GDPD4: variants seen among roughly 807,000 people sequenced by gnomAD.
The protein encoded by GDPD4 is glycerophosphodiester phosphodiesterase 6.
A neutral mutation model predicts 67.8 loss-of-function variants in GDPD4; 60 were observed. The ratio of observed to expected loss-of-function variants is 0.88; its 90% CI spans 0.72 to 1.10. The LOEUF (loss-of-function observed/expected upper bound fraction) is 1.10. Ranked by LOEUF, GDPD4 falls within the 50% of genes least tolerant of loss-of-function variation. The pLI is 0.00. For synonymous variants in GDPD4, 212 were observed against 210.9 expected, an observed-to-expected ratio of 1.00 and a Z score of -0.04; for missense variants, 623 against 613.9, an observed-to-expected ratio of 1.01 and a Z score of -0.16.
rs556525796 is a variant in GDPD4 at position 77,217,093 on chromosome 11, G to T, written c.*184C>A. On this transcript the variant is annotated 3_prime_UTR_variant, in exon 17 of 17. Coordinates refer to ENST00000315938, the MANE Select transcript of GDPD4 (RefSeq NM_182833.3). ...GCATCGGTGGTTGAATCTCATGCTT[G>T]CCAGGCTTCAAAGGTGTGACAGCAT... 1.1e-5 allele frequency: 8 copies of T among 708,384 alleles called. No individual in the cohort carries two copies. Among genetic ancestry groups the T allele is most frequent in the Admixed American group, 6.0e-5 (3 of 50,080 alleles). 43.9% of individuals were successfully genotyped at this position (708,384 alleles called of 1,614,324 possible).
At chr11:77,285,258 T>C (rs1382551290) in intron 2 of GDPD4, 71 bp from the exon 3 acceptor site, 3 of 746,154 alleles carry the variant, frequency 4.0e-6, no homozygotes, top group Non-Finnish European at 6.8e-6. Context: ...CTGTATACAC[T>C]TGCCAAAGGT....
At chr11:77,261,666 G>A (rs369217674) in intron 10 of GDPD4, among the ~76,000 whole-genome samples, 9 of 152,260 alleles carry the variant, frequency 5.9e-5, no homozygotes, top group South Asian at 4.1e-4. Flanking sequence ...CTCCTGAAAC[G>A]AGACACAGCT....
At chr11:77,260,389 A>G (rs1959094236) in intron 10 of GDPD4, among the ~76,000 whole-genome samples, 1 of 152,196 alleles carries the variant, frequency 6.6e-6, no homozygotes, top group Non-Finnish European at 1.5e-5. Flanking sequence ...TCTAAAAAAG[A>G]GCTTAAAAAC....
chr11:77,279,714 T>C (rs1003777374), intron 3 of GDPD4, among the ~76,000 whole-genome samples: 1 of 152,046 alleles, frequency 6.6e-6, no homozygotes, highest in Non-Finnish European at 1.5e-5. Context: ...AGAGAAACAA[T>C]ACATCCCATA....
At chr11:77,289,076 G>C (rs1937671123) in intron 1 of GDPD4, among the ~76,000 whole-genome samples, 1 of 150,906 alleles carries the variant, frequency 6.6e-6, no homozygotes, top group African/African-American at 2.4e-5. Context: ...AAAAGTGGAA[G>C]GAAGGAAGCC....
intron 11 of GDPD4, among the ~76,000 whole-genome samples, chr11:77,248,051 C>CAAAAAAAAAAAAAAAAAAAA (rs34252021): frequency 3.2e-5 from 2 of 62,706 alleles, no homozygotes; most frequent in African/African-American, 8.1e-5. Context: ...AACTCCGTCT[C>CAAAAAAAAAAAAAAAAAAAA]AAAAAAAAAA....
chr11:77,283,117 G>A (rs1437586345), intron 3 of GDPD4, among the ~76,000 whole-genome samples: 2 of 152,192 alleles, frequency 1.3e-5, no homozygotes, highest in Non-Finnish European at 2.9e-5. Context: ...TCACAAATGG[G>A]GGATGGCTGC....
In GDPD4 at chr11:77,217,151, G is replaced by C. The variant is rs61900040; in HGVS notation, c.*126C>G. 9.0e-6 allele frequency: 7 copies of C among 781,604 alleles called. 2 individuals are homozygous for C. The Admixed American group carries it at 1.3e-4, about 14-fold the overall frequency. The allele number at this position is 781,604 out of a possible 1,614,324, so 48.4% of individuals were successfully genotyped here. A position where few individuals can be genotyped will look rare whatever the true frequency, so the allele number is the denominator to read the frequency against. ...AGGTAGTAGTTTCTTGGATGGTGCT[G>C]CAAAATTGAAATGGCCTTGGTGTTC... is the stretch of plus-strand genomic sequence containing the variant. On this transcript the variant is annotated 3_prime_UTR_variant, in exon 17 of 17. Coordinates refer to ENST00000315938, the MANE Select transcript of GDPD4 (RefSeq NM_182833.3).
intron 13 of GDPD4, 59 bp from the exon 14 acceptor site, chr11:77,233,231 A>T: frequency 2.0e-6 from 3 of 1,535,042 alleles, no homozygotes; most frequent in Non-Finnish European, 2.7e-6. Context: ...CATCATCTAA[A>T]AGGAGAACAG....
chr11:77,247,008 T>C (rs1455375773), intron 11 of GDPD4, among the ~76,000 whole-genome samples: 2 of 152,252 alleles, frequency 1.3e-5, no homozygotes, highest in African/African-American at 4.8e-5. Flanking sequence ...TCTTTTTCTC[T>C]ACACAACTTT....
intron 8 of GDPD4, 50 bp downstream of exon 8, chr11:77,269,833 G>T: frequency 1.0e-6 from 1 of 992,100 alleles, no homozygotes; most frequent in Non-Finnish European, 1.6e-6. Context: ...ACATTTTCAA[G>T]TTACCACCTT....
At chr11:77,267,895 T>C (rs892197793) in intron 10 of GDPD4, among the ~76,000 whole-genome samples, 1 of 152,024 alleles carries the variant, frequency 6.6e-6, no homozygotes, top group Non-Finnish European at 1.5e-5. Context: ...AAACACAACT[T>C]TGAGCACACA....
intron 5 of GDPD4, among the ~76,000 whole-genome samples, chr11:77,272,596 T>C (rs1296546063): frequency 1.3e-5 from 2 of 152,004 alleles, no homozygotes; most frequent in East Asian, 3.9e-4. Context: ...GCCAATATGG[T>C]GAAACCCCAT....
intron 11 of GDPD4, among the ~76,000 whole-genome samples, chr11:77,248,928 T>C (rs1425728472): frequency 6.8e-6 from 1 of 147,386 alleles, no homozygotes; most frequent in Non-Finnish European, 1.5e-5. Flanking sequence ...GGTGTCACCA[T>C]GTTAGCTAGG....
chr11:77,230,368 G>C (rs1958429869), intron 14 of GDPD4, among the ~76,000 whole-genome samples: 1 of 152,160 alleles, frequency 6.6e-6, no homozygotes, highest in Non-Finnish European at 1.5e-5. Flanking sequence ...AGTGAAAAAA[G>C]TATGTCATTT....
chr11:77,298,861 G>T (rs1293381048), intron 1 of GDPD4, among the ~76,000 whole-genome samples: 1 of 151,868 alleles, frequency 6.6e-6, no homozygotes, highest in Admixed American at 6.6e-5. Context: ...ATATTGTTAT[G>T]CCAGAGTCAG....
At chr11:77,245,203 G>A in intron 12 of GDPD4, 78 bp downstream of exon 12, 2 of 1,017,396 alleles carry the variant, frequency 2.0e-6, no homozygotes, top group Non-Finnish European at 3.1e-6. Context: ...GTACAAGGTA[G>A]GTCAAGTTCA....
At chr11:77,296,989 G>A (rs1055761079) in intron 1 of GDPD4, among the ~76,000 whole-genome samples, 1 of 151,034 alleles carries the variant, frequency 6.6e-6, no homozygotes, top group East Asian at 2.0e-4. Flanking sequence ...AGGAGACGGA[G>A]GTTGCAGTGA....
rs139477107 is a variant in GDPD4, at chr11:77,295,003, G to A, written c.-254+6602C>T. 5.5e-3 allele frequency among the ~76,000 whole-genome samples: 600 copies of A among 108,562 alleles called. 8 individuals are homozygous for A. The highest frequency in any genetic ancestry group is 0.02 in the African/African-American group (562 of 27,872). 71.2% of individuals were successfully genotyped at this position (108,562 alleles called of 152,430 possible). A position where few individuals can be genotyped will look rare whatever the true frequency, so the allele number is the denominator to read the frequency against. The stretch of plus-strand genomic sequence containing the variant: ...TTTTTTTGAGACAGAGTCTCCCTCT[G>A]TCACCCAGGTTGGAGTGCAGTGGAA... On this transcript the variant is annotated intron_variant, in intron 1 of 16. Coordinates refer to ENST00000315938, the MANE Select transcript of GDPD4 (RefSeq NM_182833.3).
Sources: allele counts gnomAD v4.1 joint callset (sites outside exome capture counted in the v4.1 genomes callset), GRCh38; gene constraint gnomAD v4.1.1; transcripts MANE v1.5; gene names NCBI Gene and HGNC (gene_info 2026-07-23, HGNC 2026-07-21).